The following CFAP47 variants were observed in gnomAD, a reference collection of about 807,000 sequenced individuals.
CFAP47 encodes the protein cilia and flagella associated protein 47, also known as cilia- and flagella-associated protein 47.
In CFAP47, 29 loss-of-function variants were observed where a neutral mutation model predicts 148.1. The ratio of observed to expected loss-of-function variants is 0.20; its 90% confidence interval spans 0.15 to 0.27. The LOEUF (loss-of-function observed/expected upper bound fraction) is 0.27, where lower values mean the gene tolerates loss of function less well. Among genes scored for constraint, CFAP47 ranks in the 10% least tolerant of loss-of-function variants. The probability of loss-of-function intolerance (pLI) is 1.00; values close to 1 mark genes in which losing one functional copy is unlikely to be tolerated. For synonymous variants in CFAP47, 664 were observed against 577.3 expected (o/e 1.15, Z -2.15); for missense variants, 1,872 against 1,697.5 (o/e 1.10, Z -1.81).
At chrX:36,355,917 T>G (rs1941781917) in intron 60 of CFAP47, among the ~76,000 whole-genome samples, 2 of 112,085 alleles carry the variant, frequency 1.8e-5, no homozygotes, top group Admixed American at 1.9e-4. Flanking sequence ...TAAACCATTT[T>G]AACATGTTCT....
chrX:36,293,643 A>G (rs1287250548), intron 51 of CFAP47, among the ~76,000 whole-genome samples: 1 of 112,323 alleles, frequency 8.9e-6, no homozygotes, highest in Non-Finnish European at 1.9e-5. Flanking sequence ...CCCAGGTGAA[A>G]GAGGGTCTGG....
chrX:36,316,766 A>G, intron 56 of CFAP47, among the ~76,000 whole-genome samples: 1 of 112,026 alleles, frequency 8.9e-6, no homozygotes, highest in Admixed American at 9.5e-5. Context: ...GCAAGGAGAC[A>G]TTCAACCTGT....
chrX:36,342,190 G>A (rs1294975417), intron 57 of CFAP47, among the ~76,000 whole-genome samples: 2 of 111,312 alleles, frequency 1.8e-5, no homozygotes, highest in African/African-American at 6.5e-5. Context: ...TGAAAACTAA[G>A]ACTAGCTGAA....
chrX:35,923,884 C>G (rs1291622926), intron 1 of CFAP47, among the ~76,000 whole-genome samples: 1 of 72,292 alleles, frequency 1.4e-5, no homozygotes, highest in African/African-American at 9.4e-5. Flanking sequence ...TATATATGTA[C>G]ATATATATGT....
intron 25 of CFAP47, among the ~76,000 whole-genome samples, chrX:36,040,535 G>A (rs2146727047): frequency 9.0e-6 from 1 of 111,504 alleles, no homozygotes; most frequent in East Asian, 2.8e-4. Context: ...AATTGACAAT[G>A]TATGATTCTA....
Position 35,971,732 on chromosome X carries a change from G to C in CFAP47, c.2117G>C (p.Arg706Thr). ...AGAGCGAATCGATTGTTAACCACCAGGGGTATAGCATCTCAGGAGGAAGAG... is the reference window on the plus strand; with the variant it reads ...AGAGCGAATCGATTGTTAACCACCACGGGTATAGCATCTCAGGAGGAAGAG... ...SIRANRLLTT[R>T]GIASQEEESV... Residue 706 changes from arginine (R) to threonine (T), a missense_variant, in exon 12 of 64, where the codon AGG becomes ACG. By Grantham distance (71) the Arg-to-Thr change is moderately conservative. Transcript: ENST00000378653. 8.3e-7 allele frequency: 1 copy of C among 1,210,902 alleles called. No individual in the cohort carries two copies. Among genetic ancestry groups the C allele is most frequent in the Non-Finnish European group, 1.1e-6 (1 of 895,124 alleles).
intron 30 of CFAP47, among the ~76,000 whole-genome samples, chrX:36,098,321 T>C (rs1242876962): frequency 9.0e-6 from 1 of 111,729 alleles, no homozygotes; most frequent in East Asian, 2.8e-4. Context: ...GTGCCTTATT[T>C]ATTTGGTGAG....
At chrX:36,372,374 C>G (rs782776815) in intron 62 of CFAP47, among the ~76,000 whole-genome samples, 1 of 111,373 alleles carries the variant, frequency 9.0e-6, no homozygotes, top group Non-Finnish European at 1.9e-5. Flanking sequence ...TATAGTAATT[C>G]TATTTTGTGC....
At chrX:36,291,488 C>A in intron 51 of CFAP47, among the ~76,000 whole-genome samples, 1 of 111,178 alleles carries the variant, frequency 9.0e-6, no homozygotes, top group Middle Eastern at 4.7e-3. Context: ...GTTCACAAAA[C>A]ATTCCAAAAT....
At chrX:36,155,412 A>G (rs1939355518) in intron 37 of CFAP47, among the ~76,000 whole-genome samples, 1 of 111,803 alleles carries the variant, frequency 8.9e-6, no homozygotes. Context: ...GTGAAAAACC[A>G]TTCTGCTTTT....
chrX:36,157,792 T>C (rs985780107), intron 37 of CFAP47, among the ~76,000 whole-genome samples: 3 of 111,376 alleles, frequency 2.7e-5, no homozygotes, highest in South Asian at 7.5e-4. Flanking sequence ...TAAATGATCT[T>C]ATATAGTGAT....
At chrX:36,253,600 A>T (rs1261087335) in intron 49 of CFAP47, among the ~76,000 whole-genome samples, 1 of 111,502 alleles carries the variant, frequency 9.0e-6, no homozygotes, top group African/African-American at 3.3e-5. Context: ...ATACTTTTTT[A>T]AAATTTTGTG....
At position 35,971,612 on chromosome X, in the gene CFAP47, C is replaced by G. The variant is rs750256356; in HGVS notation, c.1997C>G (p.Thr666Arg). The G allele has an allele frequency of 8.5e-7, 1 of 1,174,423 alleles. No individual in the cohort carries two copies. The highest frequency in any genetic ancestry group is 1.8e-5 in the African/African-American group (1 of 55,329). ...GAGCGCATGTATTCATATGATGATA[C>G]AGACATAGGCTTAGAGCCAGGATCA... ...ERERMYSYDDTDIGLEPGSGL... is the reference protein window; with the variant it reads ...ERERMYSYDDRDIGLEPGSGL... The change falls in exon 12 of 64, where the codon ACA becomes AGA. Residue 666 changes from threonine (T) to arginine (R), a missense_variant. By Grantham distance (71) the Thr-to-Arg change is moderately conservative (BLOSUM62 -1). Transcript: ENST00000378653.
At chrX:36,304,754 G>A (rs1360585089) in intron 54 of CFAP47, among the ~76,000 whole-genome samples, 1 of 111,034 alleles carries the variant, frequency 9.0e-6, no homozygotes. Context: ...TTCTTTCTCT[G>A]CCCAACTTTC....
intron 33 of CFAP47, among the ~76,000 whole-genome samples, chrX:36,134,584 A>C (rs757599183): frequency 0.043 from 4,835 of 111,475 alleles, 267 homozygotes; most frequent in African/African-American, 0.15. Flanking sequence ...GTGCATATGT[A>C]AAAAATGAGC....
chrX:36,019,615 AT>A (rs890538087), intron 22 of CFAP47, among the ~76,000 whole-genome samples: 1 of 111,087 alleles, frequency 9.0e-6, no homozygotes, highest in Non-Finnish European at 1.9e-5. Context: ...TATCTTTAAT[AT>A]TTTTCCCACC....
intron 26 of CFAP47, among the ~76,000 whole-genome samples, chrX:36,062,276 G>A (rs749535365): frequency 2.7e-5 from 3 of 111,049 alleles, no homozygotes; most frequent in East Asian, 2.8e-4. Flanking sequence ...ATGCCATCAC[G>A]GTATTTTGTG....
intron 27 of CFAP47, among the ~76,000 whole-genome samples, chrX:36,067,307 C>G (rs1186257546): frequency 9.0e-6 from 1 of 111,365 alleles, no homozygotes; most frequent in East Asian, 2.8e-4. Flanking sequence ...ATAGGCACCC[C>G]CAAAACAACA....
At chrX:36,266,071 CT>C (rs782163052) in intron 49 of CFAP47, among the ~76,000 whole-genome samples, 27 of 111,653 alleles carry the variant, frequency 2.4e-4, no homozygotes, top group Non-Finnish European at 4.1e-4. Flanking sequence ...TAAGCCCAAG[CT>C]GGGATGGAGG....
Sources: gnomAD v4.1 joint callset for allele counts (sites outside exome capture counted in the v4.1 genomes callset) on GRCh38, gnomAD v4.1.1 for gene constraint, MANE v1.5 for transcripts, NCBI Gene and HGNC (gene_info 2026-07-23, HGNC 2026-07-21) for gene names.